PRDM16: variants seen among roughly 807,000 people sequenced by gnomAD.
The protein encoded by PRDM16 is PR/SET domain 16.
Under a neutral mutation model 110.6 loss-of-function variants are expected in PRDM16, and 23 were observed. The ratio of observed to expected loss-of-function variants is 0.21; its 90% CI spans 0.15 to 0.29. The LOEUF is 0.29. Among genes scored for constraint, PRDM16 ranks in the 10% least tolerant of loss-of-function variants. PRDM16 has a pLI of 1.00. For missense variants in PRDM16, 1,615 were observed against 1,794.3 expected (o/e 0.90, Z 1.81); for synonymous variants, 799 against 781.8 (o/e 1.02, Z -0.37).
intron 3 of PRDM16, among the ~76,000 whole-genome samples, chr1:3,247,048 C>T (rs1473752546): frequency 2.0e-5 from 3 of 152,098 alleles, no homozygotes; most frequent in Non-Finnish European, 2.9e-5. Flanking sequence ...TCAGTACAGT[C>T]CTTCCTTATA....
intron 1 of PRDM16, among the ~76,000 whole-genome samples, chr1:3,178,246 A>C (rs1027320002): frequency 6.8e-6 from 1 of 147,704 alleles, no homozygotes; most frequent in Non-Finnish European, 1.5e-5. Flanking sequence ...GCAGCTTTAG[A>C]CTTGAAGCTT....
chr1:3,308,936 G>A (rs1641377016), intron 3 of PRDM16: 1 of 152,280 alleles, frequency 6.6e-6, no homozygotes, highest in South Asian at 2.1e-4. Context: ...GCCGGTGAGA[G>A]ATGTGTGGGT....
intron 3 of PRDM16, among the ~76,000 whole-genome samples, chr1:3,281,456 AAGC>A (rs1404936300): frequency 2.0e-5 from 3 of 152,256 alleles, no homozygotes; most frequent in Admixed American, 6.5e-5. Context: ...TCCTTGAGAG[AAGC>A]AGCCTTGAAA....
At chr1:3,294,860 T>C (rs1285060043) in intron 3 of PRDM16, among the ~76,000 whole-genome samples, 2 of 152,184 alleles carry the variant, frequency 1.3e-5, no homozygotes, top group African/African-American at 4.8e-5. Flanking sequence ...TGATCACACG[T>C]ACAAACCAGA....
rs1314133973 is a variant in PRDM16, at chr1:3,359,120, G to A, written c.439-26032G>A. 6.6e-6 allele frequency among the ~76,000 whole-genome samples: 1 copy of A among 152,136 alleles called. No individual in the cohort carries two copies. The highest frequency in any genetic ancestry group is 1.5e-5 in the Non-Finnish European group (1 of 68,028). ...AGTGGCTCCATCACGGCACACTGCA[G>A]CCTCCACCTCCCGGGCTCAAGCGAT... On this transcript the variant is annotated intron_variant, in intron 3 of 16. Transcript: ENST00000270722. The surrounding 1 kb of genome is among the most constrained non-coding windows in gnomAD (Gnocchi z 4.3).
chr1:3,417,794 C>A lies in PRDM16; in HGVS notation c.2692-34C>A, dbSNP rs769808697. On this transcript the variant is annotated intron_variant, in intron 10 of 16. Coordinates refer to ENST00000270722, the MANE Select transcript of PRDM16 (RefSeq NM_022114.4). ...GCCCCTGAAGACAGGTGAGAGTCAG[C>A]TGAGTCCATAACCTCCCACTCTTAT... is the stretch of plus-strand genomic sequence containing the variant. The A allele has an allele frequency of 7.5e-6, 12 of 1,601,860 alleles. No individual in the cohort carries two copies. In the Admixed American group the frequency reaches 1.0e-4, roughly 13 times the overall value.
At chr1:3,162,641 C>T (rs899777004) in intron 1 of PRDM16, among the ~76,000 whole-genome samples, 3 of 152,350 alleles carry the variant, frequency 2.0e-5, no homozygotes, top group Non-Finnish European at 2.9e-5. Flanking sequence ...GCGGCGAGCC[C>T]GTGCGCCGAT....
intron 1 of PRDM16, among the ~76,000 whole-genome samples, chr1:3,077,298 C>T (rs1407803279): frequency 1.3e-5 from 2 of 152,212 alleles, no homozygotes; most frequent in Admixed American, 6.5e-5. Flanking sequence ...GCTCTGTTCA[C>T]CCCAACTCTG....
intron 3 of PRDM16, among the ~76,000 whole-genome samples, chr1:3,362,182 T>G (rs577837034): frequency 1.3e-5 from 2 of 152,246 alleles, no homozygotes; most frequent in Non-Finnish European, 2.9e-5. Flanking sequence ...TCCCCTGCCT[T>G]TGTCTTCATT....
At chr1:3,235,928 C>G (rs978613240) in intron 2 of PRDM16, among the ~76,000 whole-genome samples, 3 of 152,052 alleles carry the variant, frequency 2.0e-5, no homozygotes, top group Admixed American at 2.0e-4. Flanking sequence ...GGTGGAGGAG[C>G]TGCGTCTTTG....
chr1:3,365,954 G>GCACACATGCA (rs1553168828), intron 3 of PRDM16, among the ~76,000 whole-genome samples: 58 of 150,454 alleles, frequency 3.9e-4, no homozygotes, highest in African/African-American at 1.4e-3. Flanking sequence ...GCACACGCAT[G>GCACACATGCA]CACACATGCA....
At chr1:3,419,098 T>C (rs1378867493) in intron 12 of PRDM16, among the ~76,000 whole-genome samples, 1 of 152,098 alleles carries the variant, frequency 6.6e-6, no homozygotes, top group Non-Finnish European at 1.5e-5. Context: ...GGAGAAAACC[T>C]CAGCTTCCCC....
chr1:3,328,903 G>T (rs1048407800), intron 3 of PRDM16, among the ~76,000 whole-genome samples: 4 of 152,148 alleles, frequency 2.6e-5, no homozygotes, highest in Non-Finnish European at 4.4e-5. Context: ...GATTCAGTGA[G>T]ACCGTGAAGC....
intron 1 of PRDM16, among the ~76,000 whole-genome samples, chr1:3,140,214 T>G (rs564309355): frequency 1.3e-5 from 2 of 152,388 alleles, no homozygotes; most frequent in South Asian, 4.1e-4. Context: ...CCACGCATTT[T>G]TGTTTAGGAA....
intron 2 of PRDM16, among the ~76,000 whole-genome samples, chr1:3,230,879 C>T (rs1285282370): frequency 3.9e-5 from 6 of 152,116 alleles, no homozygotes; most frequent in African/African-American, 1.4e-4. Flanking sequence ...TTGCCTTGGC[C>T]GTTTGGTGTT....
chr1:3,413,829 C>G (rs907487297), intron 9 of PRDM16, among the ~76,000 whole-genome samples: 1 of 152,222 alleles, frequency 6.6e-6, no homozygotes, highest in African/African-American at 2.4e-5. Flanking sequence ...CCCACGGCCT[C>G]TGTTTACCAC....
At chr1:3,310,321 G>A (rs1032332997) in intron 3 of PRDM16, among the ~76,000 whole-genome samples, 1 of 152,180 alleles carries the variant, frequency 6.6e-6, no homozygotes, top group African/African-American at 2.4e-5. Flanking sequence ...TCAGCCTTGG[G>A]AGTCGAGTGC....
At chr1:3,109,537 G>A (rs1217642255) in intron 1 of PRDM16, among the ~76,000 whole-genome samples, 1 of 152,146 alleles carries the variant, frequency 6.6e-6, no homozygotes, top group African/African-American at 2.4e-5. Context: ...AATACTAAAC[G>A]CTCCTGGGAG....
At chr1:3,276,275 T>G (rs997810981) in intron 3 of PRDM16, among the ~76,000 whole-genome samples, 8 of 152,200 alleles carry the variant, frequency 5.3e-5, no homozygotes, top group Non-Finnish European at 1.0e-4. Context: ...CCCGCCATCC[T>G]CGCCAGGCCT....
Sources: gnomAD v4.1 joint callset for allele counts (sites outside exome capture counted in the v4.1 genomes callset) on GRCh38, gnomAD v4.1.1 for gene constraint, Gnocchi (gnomAD v3.1) non-coding constraint, MANE v1.5 for transcripts, NCBI Gene and HGNC (gene_info 2026-07-23, HGNC 2026-07-21) for gene names.